AMPH: variants seen among roughly 807,000 people sequenced by gnomAD.
AMPH encodes amphiphysin (Stiff-Mann syndrome with breast cancer 128kD autoantigen).
AMPH carries 49 observed loss-of-function variants against 99.1 expected under a neutral mutation model. The observed-to-expected ratio is 0.49, with a 90% CI of 0.39 to 0.63. AMPH has a LOEUF of 0.63. Ranked by LOEUF, AMPH falls within the 20% of genes least tolerant of loss-of-function variation. The probability of loss-of-function intolerance (pLI) is 0.00; values close to 1 mark genes in which losing one functional copy is unlikely to be tolerated. For synonymous variants in AMPH, 314 were observed against 317.3 expected (o/e 0.99, Z 0.11); for missense variants, 759 against 863.4 (o/e 0.88, Z 1.52).
intron 5 of AMPH, among the ~76,000 whole-genome samples, chr7:38,485,479 A>G (rs1238060634): frequency 2.0e-5 from 3 of 151,962 alleles, no homozygotes; most frequent in African/African-American, 4.8e-5. Flanking sequence ...CAAACTGAAG[A>G]AAGAAACAGA....
rs6462845 is a variant in AMPH at position 38,486,599 on chromosome 7, A to G, written c.396+4451T>C. 9.8e-3 allele frequency among the ~76,000 whole-genome samples: 1,491 copies of G among 152,168 alleles called. 58 individuals are homozygous for G. The South Asian group carries it at 0.11, about 11-fold the overall frequency. ...AAACCTCATTTTCTAAGTCCCTGATATCAAAGTCAGACAAAGACACCACAA... is the reference window on the plus strand; with the variant it reads ...AAACCTCATTTTCTAAGTCCCTGATGTCAAAGTCAGACAAAGACACCACAA... On this transcript the variant is annotated intron_variant, in intron 5 of 20. Transcript: ENST00000356264.
chr7:38,531,963 C>T (rs566909524), intron 2 of AMPH, among the ~76,000 whole-genome samples: 1 of 152,178 alleles, frequency 6.6e-6, no homozygotes, highest in Non-Finnish European at 1.5e-5. Context: ...CAGATGTAAC[C>T]ATAATCTTGG....
chr7:38,623,795 G>A (rs77838566), intron 1 of AMPH, among the ~76,000 whole-genome samples: 5 of 152,196 alleles, frequency 3.3e-5, no homozygotes, highest in South Asian at 2.1e-4. Context: ...TGCAGGCATC[G>A]GCAAAGCGAC....
intron 7 of AMPH, among the ~76,000 whole-genome samples, chr7:38,469,716 GT>G (rs1229766363): frequency 2.6e-5 from 4 of 152,028 alleles, no homozygotes; most frequent in Admixed American, 2.0e-4. Flanking sequence ...ATGCCTCATG[GT>G]TTCCCCTCTC....
At position 38,417,854 on chromosome 7, in the gene AMPH, G is replaced by C; in HGVS notation, c.1369C>G (p.Arg457Gly). 6.2e-7 allele frequency: 1 copy of C among 1,614,088 alleles called. No homozygotes were observed. Among genetic ancestry groups the C allele is most frequent in the Non-Finnish European group, 8.5e-7 (1 of 1,179,964 alleles). Residue 457 changes from arginine to glycine, a missense_variant, in exon 17 of 21, where the codon CGG becomes GGG. Arg to Gly is a moderately radical substitution (Grantham distance 125). Around this residue, in one of 2 missense-constraint regions of AMPH, gnomAD observed 554 missense variants for 575.6 expected, o/e 0.96. Coordinates refer to ENST00000356264, the MANE Select transcript of AMPH (RefSeq NM_001635.4). ...AVGLDLGMDT[R>G]AEEPVEEAVI... ...GCCTCCTCCACTGGCTCCTCAGCCC[G>C]AGTGTCCATTCCAAGGTCCAGACCA... is the stretch of plus-strand genomic sequence containing the variant.
rs1403806043 is a variant in AMPH at position 38,617,545 on chromosome 7, T to C, written c.69+13738A>G. 6.6e-5 allele frequency among the ~76,000 whole-genome samples: 10 copies of C among 152,122 alleles called. No homozygotes were observed. In the East Asian group the frequency reaches 1.9e-3, roughly 29 times the overall value. On this transcript the variant is annotated intron_variant, in intron 1 of 20. Coordinates refer to ENST00000356264, the MANE Select transcript of AMPH (RefSeq NM_001635.4). Reference sequence around the variant, plus strand: ...GCCAAATCCTGAGGGACCTAGAAAATCTGAGTCTTCAAGGGCAAGGACCAT... The same window carrying C: ...GCCAAATCCTGAGGGACCTAGAAAACCTGAGTCTTCAAGGGCAAGGACCAT...
intron 1 of AMPH, among the ~76,000 whole-genome samples, chr7:38,560,680 T>A (rs1791523521): frequency 6.6e-6 from 1 of 152,232 alleles, no homozygotes; most frequent in Non-Finnish European, 1.5e-5. Flanking sequence ...AATGCATGTT[T>A]GTTTGTTTTA....
At chr7:38,443,534 T>C (rs984380146) in intron 11 of AMPH, among the ~76,000 whole-genome samples, 7 of 152,110 alleles carry the variant, frequency 4.6e-5, no homozygotes, top group African/African-American at 1.4e-4. Context: ...TAGGACTTCA[T>C]GGATGGTTTA....
At chr7:38,475,729 G>C (rs79938247) in intron 6 of AMPH, among the ~76,000 whole-genome samples, 14,690 of 152,230 alleles carry the variant, frequency 0.096, 945 homozygotes, top group Middle Eastern at 0.2. Context: ...GCATCCCCAG[G>C]AAATTCCCAG....
chr7:38,422,546 C>T, intron 15 of AMPH, 69 bp from the exon 16 acceptor site: 1 of 1,131,204 alleles, frequency 8.8e-7, no homozygotes, highest in Non-Finnish European at 1.3e-6. Context: ...TCAATTGTGT[C>T]TGCCTACGTA....
chr7:38,428,944 TTCCTATGG>T lies in AMPH; in HGVS notation c.1182+890_1182+897del, dbSNP rs1276999663. On this transcript the variant is annotated intron_variant, in intron 14 of 20. Transcript: ENST00000356264. ...ATTTTTAAGGTCTTATGGTCTTCCT[TTCCTATGG>T]TATTAAGAAGTTCTACCACTCTGTT... The T allele has an allele frequency of 1.0e-5, 12 of 1,178,272 alleles. No individual in the cohort carries two copies. The African/African-American group carries it at 1.9e-4, about 19-fold the overall frequency. The allele number at this position is 1,178,272 out of a possible 1,614,324, so 73.0% of individuals were successfully genotyped here.
At chr7:38,405,581 A>G (rs536829843) in intron 17 of AMPH, among the ~76,000 whole-genome samples, 29 of 152,314 alleles carry the variant, frequency 1.9e-4, no homozygotes, top group Admixed American at 1.5e-3. Flanking sequence ...CTTTAAGCCA[A>G]TAACATTAAA....
chr7:38,428,263 C>G (rs747385095), intron 14 of AMPH: 2 of 456,586 alleles, frequency 4.4e-6, no homozygotes, highest in African/African-American at 4.0e-5. Flanking sequence ...CAGATTTGAC[C>G]TGGATCTGTT....
intron 13 of AMPH, chr7:38,430,080 G>A (rs1299168786): frequency 1.9e-6 from 1 of 520,680 alleles, no homozygotes; most frequent in African/African-American, 2.0e-5. Context: ...CACAAAGAAA[G>A]CCTCTTTCAC....
Position 38,466,161 on chromosome 7 carries a change from G to T in AMPH, c.666+12C>A. ...TTATATTCCATATGCAAAAATTATC[G>T]TCATGACTCACCACCGCAATTTCCT... On this transcript the variant is annotated intron_variant, in intron 8 of 20. Coordinates refer to ENST00000356264, the MANE Select transcript of AMPH (RefSeq NM_001635.4). The T allele has an allele frequency of 1.3e-6, 2 of 1,597,810 alleles. No homozygotes were observed. Among genetic ancestry groups the T allele is most frequent in the Non-Finnish European group, 8.5e-7 (1 of 1,172,414 alleles).
At chr7:38,568,112 C>T (rs2129051025) in intron 1 of AMPH, among the ~76,000 whole-genome samples, 1 of 152,234 alleles carries the variant, frequency 6.6e-6, no homozygotes, top group African/African-American at 2.4e-5. Context: ...AACTTTAAAA[C>T]AAAACCAATT....
intron 17 of AMPH, among the ~76,000 whole-genome samples, chr7:38,413,201 C>A (rs571070045): frequency 1.7e-3 from 257 of 152,214 alleles, no homozygotes; most frequent in Middle Eastern, 3.4e-3. Flanking sequence ...TATTTCTAAG[C>A]CCTCATGGGA....
chr7:38,398,649 C>G (rs1166065172), intron 17 of AMPH, among the ~76,000 whole-genome samples: 1 of 151,796 alleles, frequency 6.6e-6, no homozygotes, highest in African/African-American at 2.4e-5. Context: ...TGACTACAGT[C>G]AACAATAACT....
Position 38,504,678 on chromosome 7 carries a change from C to T in AMPH, c.151-974G>A, listed in dbSNP as rs373347070. ...TGTCAGCTATGTTTCTAGAGCTGCT[C>T]CTAGGGGACATTAATTCCCCAATAT... On this transcript the variant is annotated intron_variant, in intron 2 of 20. Transcript: ENST00000356264. Among the ~76,000 whole-genome samples the T allele has an allele frequency of 3.9e-5, 6 of 152,270 alleles. No individual in the cohort carries two copies. The East Asian group carries it at 1.2e-3, about 29-fold the overall frequency.
Sources: gnomAD v4.1 joint callset for allele counts (sites outside exome capture counted in the v4.1 genomes callset) on GRCh38, gnomAD v4.1.1 for gene constraint, gnomAD v4.1.1 regional missense constraint, MANE v1.5 for transcripts, NCBI Gene and HGNC (gene_info 2026-07-23, HGNC 2026-07-21) for gene names.